ADARB2: variants seen among roughly 807,000 people sequenced by gnomAD.
ADARB2 encodes the protein adenosine deaminase RNA specific B2 (inactive), also known as inactive double-stranded RNA-specific editase B2.
Under a neutral mutation model 62.2 loss-of-function variants are expected in ADARB2, and 25 were observed. The observed-to-expected ratio is 0.40, with a 90% CI of 0.29 to 0.56. ADARB2 has a LOEUF of 0.56. Ranked by LOEUF, ADARB2 falls within the 20% of genes least tolerant of loss-of-function variation. ADARB2 has a pLI of 0.43. For synonymous variants in ADARB2, 572 were observed against 500.8 expected (o/e 1.14, Z -1.90); for missense variants, 1,071 against 1,077.4 (o/e 0.99, Z 0.08).
At position 1,245,925 on chromosome 10, in the gene ADARB2, A is replaced by G. The variant is rs182476815; in HGVS notation, c.1193-3626T>C. Among the ~76,000 whole-genome samples the G allele has an allele frequency of 3.9e-3, 588 of 151,692 alleles. 2 individuals carry two copies. The highest frequency in any genetic ancestry group is 0.014 in the African/African-American group (564 of 41,324). On this transcript the variant is annotated intron_variant, in intron 4 of 9. Coordinates refer to ENST00000381312, the MANE Select transcript of ADARB2 (RefSeq NM_018702.4). ...GAGGAATCACCATACTGACTTCCAC[A>G]ATGGTTGAACTAGTTTACAGTCACA...
chr10:1,393,083 A>G (rs979137678), intron 1 of ADARB2, among the ~76,000 whole-genome samples: 1 of 152,232 alleles, frequency 6.6e-6, no homozygotes, highest in South Asian at 2.1e-4. Flanking sequence ...TAGAAACATC[A>G]CTTCCAACTC....
intron 1 of ADARB2, among the ~76,000 whole-genome samples, chr10:1,425,246 A>T (rs1327635630): frequency 2.0e-5 from 3 of 152,154 alleles, no homozygotes; most frequent in Non-Finnish European, 4.4e-5. Context: ...TGATTTCCTG[A>T]TCAAATGCTG....
At chr10:1,353,216 C>A (rs1187667495) in intron 3 of ADARB2, among the ~76,000 whole-genome samples, 1 of 152,166 alleles carries the variant, frequency 6.6e-6, no homozygotes, top group Non-Finnish European at 1.5e-5. Context: ...GAAGACCCTT[C>A]AATACTTTCA....
At chr10:1,736,966 A>T in intron 1 of ADARB2, 85 bp downstream of exon 1, 8 of 1,401,098 alleles carry the variant, frequency 5.7e-6, no homozygotes, top group Non-Finnish European at 7.9e-6. Flanking sequence ...CTCACAACGG[A>T]CAAGCCCGGA....
rs753415492 is a variant in ADARB2 at position 1,363,119 on chromosome 10, C to T, written c.986G>A (p.Gly329Asp). Residue 329 changes from glycine to aspartate, a missense_variant, in exon 3 of 10, where the codon GGT (glycine) becomes GAT (aspartate). Gly to Asp is a moderately conservative substitution (Grantham distance 94, BLOSUM62 -1). Coordinates refer to ENST00000381312, the MANE Select transcript of ADARB2 (RefSeq NM_018702.4). ...CTGCAGTGCGGCCTGCGCGGCCTGA[C>T]CCCGGGCCAGCTTCTTGCTGCGCCC... Reference protein sequence around the residue: ...GSGRSKKLARGQAAQAALQEL... With the variant: ...GSGRSKKLARDQAAQAALQEL... The T allele has an allele frequency of 3.6e-5, 56 of 1,542,880 alleles. No homozygotes were observed. The South Asian group carries it at 6.2e-4, about 17-fold the overall frequency.
At chr10:1,621,074 G>T (rs1447718980) in intron 1 of ADARB2, among the ~76,000 whole-genome samples, 1 of 152,132 alleles carries the variant, frequency 6.6e-6, no homozygotes, top group African/African-American at 2.4e-5. Context: ...TTTCACACTT[G>T]AATTCAACAG....
At chr10:1,447,493 CA>C (rs1830985488) in intron 1 of ADARB2, among the ~76,000 whole-genome samples, 1 of 152,076 alleles carries the variant, frequency 6.6e-6, no homozygotes, top group Non-Finnish European at 1.5e-5. Flanking sequence ...GAAGAGAGTA[CA>C]GAAGTCCAGC....
At chr10:1,621,911 A>C (rs960077530) in intron 1 of ADARB2, among the ~76,000 whole-genome samples, 1 of 70 alleles carries the variant, frequency 0.014, no homozygotes, top group African/African-American at 0.045. Context: ...AGGATCTAAT[A>C]GTAAAAAACA....
At chr10:1,587,954 T>C (rs1195403167) in intron 1 of ADARB2, among the ~76,000 whole-genome samples, 1 of 152,202 alleles carries the variant, frequency 6.6e-6, no homozygotes, top group Non-Finnish European at 1.5e-5. Context: ...CTCCCTAGTC[T>C]CATGGAACTG....
intron 1 of ADARB2, among the ~76,000 whole-genome samples, chr10:1,575,039 T>TTATAGCAGGTAACAGGGCTGCAACAC (rs1554772940): frequency 6.6e-5 from 10 of 150,756 alleles, no homozygotes; most frequent in African/African-American, 9.8e-5. Context: ...GGCTGCAACA[T>TTATAGCAGGTAACAGGGCTGCAACAC]TGTAATAGGT....
At chr10:1,435,143 C>A (rs1305283272) in intron 1 of ADARB2, among the ~76,000 whole-genome samples, 3 of 152,240 alleles carry the variant, frequency 2.0e-5, no homozygotes, top group African/African-American at 7.2e-5. Context: ...GCCGGCTGTG[C>A]CTCCAATGAG....
At chr10:1,597,167 A>G (rs7903852) in intron 1 of ADARB2, among the ~76,000 whole-genome samples, 25,214 of 152,192 alleles carry the variant, frequency 0.17, 2,462 homozygotes, top group Non-Finnish European at 0.21. Flanking sequence ...CTTGCAAATG[A>G]CAGTAATGAA....
chr10:1,523,480 T>A (rs1030568761), intron 1 of ADARB2, among the ~76,000 whole-genome samples: 2 of 152,134 alleles, frequency 1.3e-5, no homozygotes, highest in Non-Finnish European at 2.9e-5. Flanking sequence ...CCCCTCACAT[T>A]AGATTTGCTT....
chr10:1,636,755 C>T (rs1417757344), intron 1 of ADARB2, among the ~76,000 whole-genome samples: 1 of 147,594 alleles, frequency 6.8e-6, no homozygotes, highest in Non-Finnish European at 1.5e-5. Flanking sequence ...TAATATACAT[C>T]ATATCAATAT....
At chr10:1,288,183 C>G (rs1216610552) in intron 3 of ADARB2, among the ~76,000 whole-genome samples, 1 of 152,244 alleles carries the variant, frequency 6.6e-6, no homozygotes. Flanking sequence ...AGTTCTCAAG[C>G]ATTTCTGCTT....
At position 1,177,504 on chromosome 10, in the gene ADARB2, G is replaced by A. The variant is rs1040334858; in HGVS notation, c.*5689C>T. 6.6e-6 allele frequency: 1 copy of A among 151,714 alleles called. No individual in the cohort carries two copies. The highest frequency in any genetic ancestry group is 2.4e-5 in the African/African-American group (1 of 41,264). 9.4% of individuals were successfully genotyped at this position (151,714 alleles called of 1,614,324 possible). ...ATTGCCATTCTATCATGCTTTTTAT[G>A]TACATACCTTCAATTAGAATTACTA... On this transcript the variant is annotated 3_prime_UTR_variant, in exon 10 of 10. Coordinates refer to ENST00000381312, the MANE Select transcript of ADARB2 (RefSeq NM_018702.4).
In ADARB2 at chr10:1,255,385, T is replaced by A. The variant is rs549224003; in HGVS notation, c.1193-13086A>T. Among the ~76,000 whole-genome samples the A allele has an allele frequency of 6.6e-6, 1 of 152,344 alleles. No individual in the cohort carries two copies. The highest frequency in any genetic ancestry group is 2.4e-5 in the African/African-American group (1 of 41,578). ...CACCAAGCCTTCTGTGCCAGGCACA[T>A]GTGAGCGCTGGGTCTACACACTAAT... On this transcript the variant is annotated intron_variant, in intron 4 of 9. Coordinates refer to ENST00000381312, the MANE Select transcript of ADARB2 (RefSeq NM_018702.4). This position sits in a 1 kb window ranked among gnomAD's most constrained non-coding sequence, Gnocchi z 4.7.
intron 8 of ADARB2, among the ~76,000 whole-genome samples, chr10:1,188,975 G>T (rs917498215): frequency 1.3e-5 from 2 of 152,096 alleles, no homozygotes; most frequent in Non-Finnish European, 1.5e-5. Flanking sequence ...CAGCCCTCCC[G>T]CACCAGGTGC....
At chr10:1,310,675 C>T (rs1831681787) in intron 3 of ADARB2, among the ~76,000 whole-genome samples, 1 of 152,082 alleles carries the variant, frequency 6.6e-6, no homozygotes, top group African/African-American at 2.4e-5. Flanking sequence ...CCTCACGGTA[C>T]CTCTGGAGGG....
Sources: gnomAD v4.1 joint callset for allele counts (sites outside exome capture counted in the v4.1 genomes callset) on GRCh38, gnomAD v4.1.1 for gene constraint, Gnocchi (gnomAD v3.1) non-coding constraint, MANE v1.5 for transcripts, NCBI Gene and HGNC (gene_info 2026-07-23, HGNC 2026-07-21) for gene names.